The following THSD7A variants were observed in gnomAD, a reference collection of about 807,000 sequenced individuals.
THSD7A encodes the protein thrombospondin type 1 domain containing 7A.
THSD7A carries 96 observed loss-of-function variants against 231.3 expected under a neutral mutation model. That is an observed-to-expected ratio of 0.41 (90% CI 0.35 to 0.49). The LOEUF (loss-of-function observed/expected upper bound fraction) is 0.49. THSD7A is among the 20% of genes least tolerant of loss of function. The pLI is 0.05. For missense variants in THSD7A, 2,290 were observed against 2,070.2 expected, an observed-to-expected ratio of 1.11 and a Z score of -2.06; for synonymous variants, 940 against 743.3, an observed-to-expected ratio of 1.26 and a Z score of -4.30.
chr7:11,571,656 G>A (rs757662969), intron 4 of THSD7A, among the ~76,000 whole-genome samples: 6 of 152,162 alleles, frequency 3.9e-5, no homozygotes, highest in Non-Finnish European at 5.9e-5. Context: ...GAAGATGTCC[G>A]TTTGTCATGC....
chr7:11,483,860 T>C (rs1786534278), intron 6 of THSD7A, among the ~76,000 whole-genome samples: 1 of 152,170 alleles, frequency 6.6e-6, no homozygotes, highest in African/African-American at 2.4e-5. Flanking sequence ...TTCAGAAAAA[T>C]ATTTATTCTG....
intron 4 of THSD7A, among the ~76,000 whole-genome samples, chr7:11,563,149 T>C (rs562146082): frequency 6.6e-6 from 1 of 152,260 alleles, no homozygotes; most frequent in African/African-American, 2.4e-5. Flanking sequence ...TTTCCTCTTG[T>C]CTTTCTCAGC....
chr7:11,773,707 A>T (rs1399153899), intron 1 of THSD7A, among the ~76,000 whole-genome samples: 1 of 143,576 alleles, frequency 7.0e-6, no homozygotes, highest in Non-Finnish European at 1.5e-5. Flanking sequence ...TGTGGGGTAC[A>T]TTTTTTTTGA....
At chr7:11,777,041 A>G (rs1783430342) in intron 1 of THSD7A, among the ~76,000 whole-genome samples, 1 of 152,182 alleles carries the variant, frequency 6.6e-6, no homozygotes, top group Non-Finnish European at 1.5e-5. Flanking sequence ...ATTAAAAGAT[A>G]TAATTTATCA....
chr7:11,775,911 T>C (rs1418937653), intron 1 of THSD7A, among the ~76,000 whole-genome samples: 1 of 152,072 alleles, frequency 6.6e-6, no homozygotes, highest in Non-Finnish European at 1.5e-5. Context: ...AATTACTAAC[T>C]GTGAACATTT....
intron 1 of THSD7A, among the ~76,000 whole-genome samples, chr7:11,782,759 G>T (rs10279412): frequency 6.6e-6 from 1 of 151,916 alleles, no homozygotes; most frequent in South Asian, 2.1e-4. Context: ...CTGTGGCACC[G>T]TTGGCTATAG....
At chr7:11,431,694 A>C (rs1784482643) in intron 13 of THSD7A, among the ~76,000 whole-genome samples, 1 of 152,048 alleles carries the variant, frequency 6.6e-6, no homozygotes, top group South Asian at 2.1e-4. Flanking sequence ...TTCTATATGC[A>C]TTTTAGAATT....
intron 23 of THSD7A, among the ~76,000 whole-genome samples, chr7:11,386,493 G>T (rs554240369): frequency 6.6e-6 from 1 of 151,974 alleles, no homozygotes; most frequent in Non-Finnish European, 1.5e-5. Context: ...CTTCATGTTT[G>T]TTGGCTGCAT....
At chr7:11,382,685 A>G (rs1249689878) in intron 23 of THSD7A, 69 bp from the exon 24 acceptor site, 5 of 1,133,750 alleles carry the variant, frequency 4.4e-6, no homozygotes, top group Middle Eastern at 1.9e-4. Context: ...GGGATAGAGT[A>G]TTAATAACAT....
intron 5 of THSD7A, among the ~76,000 whole-genome samples, chr7:11,542,300 A>G (rs1447616972): frequency 2.6e-5 from 4 of 152,188 alleles, no homozygotes; most frequent in Non-Finnish European, 4.4e-5. Flanking sequence ...AAGTCTGTTT[A>G]TTGCTATGTA....
At chr7:11,782,526 T>C (rs1435293852) in intron 1 of THSD7A, among the ~76,000 whole-genome samples, 3 of 152,178 alleles carry the variant, frequency 2.0e-5, no homozygotes, top group African/African-American at 7.2e-5. Context: ...CTTTTAGCCC[T>C]AGGAATGACA....
At chr7:11,592,404 G>A (rs1048056555) in intron 3 of THSD7A, among the ~76,000 whole-genome samples, 31 of 152,112 alleles carry the variant, frequency 2.0e-4, no homozygotes, top group African/African-American at 7.2e-4. Flanking sequence ...CATCTCTATT[G>A]AAAAACTAAT....
At chr7:11,762,817 A>G (rs1782909120) in intron 1 of THSD7A, among the ~76,000 whole-genome samples, 1 of 151,842 alleles carries the variant, frequency 6.6e-6, no homozygotes, top group South Asian at 2.1e-4. Context: ...GACACAAACA[A>G]ACGGAAAAAC....
intron 17 of THSD7A, among the ~76,000 whole-genome samples, chr7:11,414,906 C>A (rs115626628): frequency 6.6e-6 from 1 of 152,178 alleles, no homozygotes; most frequent in Non-Finnish European, 1.5e-5. Context: ...TACCTAACAC[C>A]GTTACTGATA....
intron 7 of THSD7A, among the ~76,000 whole-genome samples, chr7:11,475,291 A>G (rs2128302609): frequency 6.6e-6 from 1 of 152,192 alleles, no homozygotes; most frequent in African/African-American, 2.4e-5. Context: ...TGCTGGGTGA[A>G]AAGTGCATTG....
chr7:11,461,128 T>A (rs1785490810), intron 10 of THSD7A, among the ~76,000 whole-genome samples: 1 of 152,158 alleles, frequency 6.6e-6, no homozygotes, highest in Non-Finnish European at 1.5e-5. Context: ...GAAACTGTAT[T>A]CAAGTCATGA....
chr7:11,487,195 A>C (rs1434018974), intron 6 of THSD7A, among the ~76,000 whole-genome samples: 1 of 152,140 alleles, frequency 6.6e-6, no homozygotes, highest in Admixed American at 6.6e-5. Flanking sequence ...GAGCTCTCCT[A>C]AACTATTCCT....
intron 23 of THSD7A, among the ~76,000 whole-genome samples, chr7:11,387,773 C>A (rs926822686): frequency 6.6e-6 from 1 of 152,156 alleles, no homozygotes; most frequent in African/African-American, 2.4e-5. Flanking sequence ...GAGAGGGCAT[C>A]CTTGTCTTGT....
intron 22 of THSD7A, among the ~76,000 whole-genome samples, chr7:11,403,889 A>T (rs980543426): frequency 2.0e-5 from 3 of 152,202 alleles, no homozygotes; most frequent in Non-Finnish European, 4.4e-5. Flanking sequence ...TGACAATTAA[A>T]CACATGAGAT....
Sources: allele counts gnomAD v4.1 joint callset (sites outside exome capture counted in the v4.1 genomes callset), GRCh38; gene constraint gnomAD v4.1.1; transcripts MANE v1.5; gene names NCBI Gene and HGNC (gene_info 2026-07-23, HGNC 2026-07-21).